ATP5PF: variants seen among roughly 807,000 people sequenced by gnomAD.
ATP5PF encodes ATP synthase peripheral stalk subunit F6, mitochondrial.
Under a neutral mutation model 12.0 loss-of-function variants are expected in ATP5PF, and 7 were observed. That is an observed-to-expected ratio of 0.58 (90% CI 0.33 to 1.10). The LOEUF (loss-of-function observed/expected upper bound fraction) is 1.10, where lower values mean the gene tolerates loss of function less well. Among genes scored for constraint, ATP5PF ranks in the 50% least tolerant of loss-of-function variants. The pLI, the probability that ATP5PF is intolerant of heterozygous loss-of-function variation, is 0.03. For synonymous variants in ATP5PF, 41 were observed against 45.4 expected (o/e 0.90, Z 0.39); for missense variants, 120 against 127.7 (o/e 0.94, Z 0.29).
At chr21:25,734,932 C>G, upstream of ATP5PF, 8 of 1,573,584 alleles carry the variant, frequency 5.1e-6, no homozygotes, top group Non-Finnish European at 6.9e-6. Context: ...CGCCCCCACA[C>G]GCCTACCCGC....
chr21:25,725,779 C>T (rs1481010533), intron 2 of ATP5PF, among the ~76,000 whole-genome samples: 5 of 152,194 alleles, frequency 3.3e-5, no homozygotes, highest in Admixed American at 1.3e-4. Flanking sequence ...AAAGAAAAGA[C>T]TTCAGAAAGA....
At chr21:25,727,604 GTGTT>G (rs2034651372) in intron 2 of ATP5PF, among the ~76,000 whole-genome samples, 1 of 152,126 alleles carries the variant, frequency 6.6e-6, no homozygotes. Flanking sequence ...AACTCTCCAT[GTGTT>G]TGTTTGCACA....
intron 2 of ATP5PF, among the ~76,000 whole-genome samples, chr21:25,729,196 C>T (rs1318706768): frequency 1.3e-5 from 2 of 152,174 alleles, no homozygotes; most frequent in African/African-American, 4.8e-5. Context: ...ATTACAATGT[C>T]ACAGAAAGGC....
chr21:25,724,512 A>G lies in ATP5PF; in HGVS notation c.*128T>C. On this transcript the variant is annotated 3_prime_UTR_variant, in exon 4 of 4. Coordinates refer to ENST00000284971, the MANE Select transcript of ATP5PF (RefSeq NM_001003703.2). ...ATCAAGAACACACTCAACATCACCAAATAATTTATTTGGACTCAGAATTAA... is the reference window on the plus strand; with the variant it reads ...ATCAAGAACACACTCAACATCACCAGATAATTTATTTGGACTCAGAATTAA... The G allele has an allele frequency of 2.7e-6, 3 of 1,092,580 alleles. No individual in the cohort carries two copies. The highest frequency in any genetic ancestry group is 2.9e-5 in the South Asian group (2 of 67,954). 67.7% of individuals were successfully genotyped at this position (1,092,580 alleles called of 1,614,324 possible).
chr21:25,735,646 T>TCCCCCACAAGGGCC (rs1330210557), upstream of ATP5PF: 2 of 150,360 alleles, frequency 1.3e-5, no homozygotes, highest in Admixed American at 1.3e-4. Context: ...CGGGGCCTTT[T>TCCCCCACAAGGGCC]CCCCCACAAG....
rs1038407215 is a variant in ATP5PF at position 25,727,999 on chromosome 21, G to A, written c.164+1632C>T. Among the ~76,000 whole-genome samples the A allele has an allele frequency of 3.3e-5, 5 of 152,028 alleles. No homozygotes were observed. In the South Asian group the frequency reaches 8.3e-4, roughly 25 times the overall value. The stretch of plus-strand genomic sequence containing the variant: ...TGGTAACACCTTTGTTAGTTACCTC[G>A]CCTCAAAAGTCAGTTTTCTTTTATT... On this transcript the variant is annotated intron_variant, in intron 2 of 3. Transcript: ENST00000284971.
intron 1 of ATP5PF, among the ~76,000 whole-genome samples, chr21:25,734,123 C>T (rs945851393): frequency 1.3e-5 from 2 of 152,148 alleles, no homozygotes; most frequent in African/African-American, 2.4e-5. Context: ...ATATTGTCCA[C>T]TAAAACGCAG....
At chr21:25,728,560 C>G (rs1183564459) in intron 2 of ATP5PF, among the ~76,000 whole-genome samples, 2 of 152,166 alleles carry the variant, frequency 1.3e-5, no homozygotes, top group Non-Finnish European at 1.5e-5. Flanking sequence ...GAGTAAACCC[C>G]TGGGTGTACA....
chr21:25,732,936 C>T (rs1381242360), intron 1 of ATP5PF, among the ~76,000 whole-genome samples: 2 of 135,314 alleles, frequency 1.5e-5, no homozygotes, highest in African/African-American at 2.8e-5. Context: ...GAGCCGAGAT[C>T]GCGCCACTGC....
Position 25,734,833 on chromosome 21 carries a change from C to G in ATP5PF, c.-8+20G>C, listed in dbSNP as rs1042028481. The G allele has an allele frequency of 2.0e-6, 3 of 1,532,338 alleles. No individual in the cohort carries two copies. The highest frequency in any genetic ancestry group is 3.9e-5 in the Admixed American group (2 of 50,768). 94.9% of individuals were successfully genotyped at this position (1,532,338 alleles called of 1,614,324 possible). ...TGGAGTCCCAAAAGGCCACGCTGAT[C>G]TAGCTACCCTCCCAGTCACCTTGCA... On this transcript the variant is annotated intron_variant, in intron 1 of 3. Transcript: ENST00000284971.
rs917291483 is a variant in ATP5PF at position 25,724,600 on chromosome 21, A to G, written c.*40T>C. 6.3e-7 allele frequency: 1 copy of G among 1,597,136 alleles called. No individual in the cohort carries two copies. Among genetic ancestry groups the G allele is most frequent in the Non-Finnish European group, 8.5e-7 (1 of 1,170,324 alleles). On this transcript the variant is annotated 3_prime_UTR_variant, in exon 4 of 4. Transcript: ENST00000284971. Reference sequence around the variant, plus strand: ...GAAACTTCTAACTAGTTGTACAACTAATCCGTGACAAATTACCAGATTAAT... The same window carrying G: ...GAAACTTCTAACTAGTTGTACAACTGATCCGTGACAAATTACCAGATTAAT...
At chr21:25,734,298 G>A (rs954716530) in intron 1 of ATP5PF, 4 of 984,022 alleles carry the variant, frequency 4.1e-6, no homozygotes, top group Admixed American at 6.1e-5. Flanking sequence ...CTTGTTCTGG[G>A]TGGGAGCATG....
intron 1 of ATP5PF, 114 bp from the exon 2 acceptor site, chr21:25,729,915 T>A (rs973388042): frequency 1.6e-6 from 2 of 1,248,080 alleles, no homozygotes; most frequent in Non-Finnish European, 2.2e-6. Context: ...ATATCAGATC[T>A]CAGTCTATAC....
At chr21:25,735,131 C>G, upstream of ATP5PF, 2 of 690,462 alleles carry the variant, frequency 2.9e-6, no homozygotes, top group Admixed American at 2.2e-5. Context: ...TAATTTGACC[C>G]GTTCTTTTTC....
At chr21:25,725,495 G>T in intron 2 of ATP5PF, 145 bp from the exon 3 acceptor site, 1 of 898,522 alleles carries the variant, frequency 1.1e-6, no homozygotes, top group Non-Finnish European at 1.6e-6. Context: ...GCTGGAGTGC[G>T]GTAGCATGAT....
At chr21:25,729,047 T>C (rs986688303) in intron 2 of ATP5PF, among the ~76,000 whole-genome samples, 8 of 152,182 alleles carry the variant, frequency 5.3e-5, no homozygotes, top group African/African-American at 1.9e-4. Flanking sequence ...TTTCCAAAAC[T>C]ATGGTTCTAC....
intron 1 of ATP5PF, chr21:25,734,215 A>G: frequency 3.3e-6 from 2 of 600,252 alleles, no homozygotes; most frequent in Non-Finnish European, 4.2e-6. Flanking sequence ...CCACGAGAGC[A>G]TATGATAGCG....
At chr21:25,730,756 A>C (rs1476251332) in intron 1 of ATP5PF, among the ~76,000 whole-genome samples, 3 of 143,046 alleles carry the variant, frequency 2.1e-5, no homozygotes, top group Non-Finnish European at 3.1e-5. Flanking sequence ...AAAAAAAAAA[A>C]AAAAAAAAAA....
At chr21:25,726,101 G>A (rs1408063051) in intron 2 of ATP5PF, among the ~76,000 whole-genome samples, 2 of 152,204 alleles carry the variant, frequency 1.3e-5, no homozygotes, top group African/African-American at 4.8e-5. Flanking sequence ...AAACGAGGGT[G>A]TAAATGCACA....
Sources: gnomAD v4.1 joint callset for allele counts (sites outside exome capture counted in the v4.1 genomes callset) on GRCh38, gnomAD v4.1.1 for gene constraint, MANE v1.5 for transcripts, NCBI Gene and HGNC (gene_info 2026-07-23, HGNC 2026-07-21) for gene names.